LRRC4C: variants seen among roughly 807,000 people sequenced by gnomAD.
LRRC4C encodes leucine-rich repeat-containing protein 4C.
In LRRC4C, 5 loss-of-function variants were observed where a neutral mutation model predicts 33.6. The ratio of observed to expected loss-of-function variants is 0.15; its 90% CI spans 0.08 to 0.31. The LOEUF (loss-of-function observed/expected upper bound fraction) is 0.31, where lower values mean the gene tolerates loss of function less well. LRRC4C is among the 10% of genes least tolerant of loss of function. The probability of loss-of-function intolerance (pLI) is 1.00; values close to 1 mark genes in which losing one functional copy is unlikely to be tolerated. For missense variants in LRRC4C, 560 were observed against 796.7 expected (o/e 0.70, Z 3.58); for synonymous variants, 329 against 302.0 (o/e 1.09, Z -0.93).
intron 5 of LRRC4C, among the ~76,000 whole-genome samples, chr11:40,199,422 C>G (rs1016949545): frequency 6.6e-6 from 1 of 152,184 alleles, no homozygotes; most frequent in African/African-American, 2.4e-5. Context: ...GTCCCAATTA[C>G]ATAAGGCCTT....
At chr11:40,198,939 T>A (rs984225668) in intron 5 of LRRC4C, among the ~76,000 whole-genome samples, 1 of 152,202 alleles carries the variant, frequency 6.6e-6, no homozygotes, top group African/African-American at 2.4e-5. Context: ...GTGGGTATAT[T>A]GGAAATAACT....
Position 41,087,220 on chromosome 11 carries a change from C to A in LRRC4C, c.-495-153497G>T, listed in dbSNP as rs1236649067. 2.0e-5 allele frequency among the ~76,000 whole-genome samples: 3 copies of A among 152,090 alleles called. No individual in the cohort carries two copies. The South Asian group carries it at 6.2e-4, about 32-fold the overall frequency. On this transcript the variant is annotated intron_variant, in intron 1 of 6. Transcript: ENST00000528697. ...TCTCGTTTTTCCATTTTTCCCCATTCCTACTGCCAATACCATAGCTGAATC... is the reference window on the plus strand; with the variant it reads ...TCTCGTTTTTCCATTTTTCCCCATTACTACTGCCAATACCATAGCTGAATC...
chr11:40,344,767 C>T (rs372651413), intron 3 of LRRC4C, among the ~76,000 whole-genome samples: 1 of 152,076 alleles, frequency 6.6e-6, no homozygotes, highest in African/African-American at 2.4e-5. Flanking sequence ...ATAGTCTGTG[C>T]CCAAAAGCTC....
At chr11:41,173,013 T>G (rs1371624311) in intron 1 of LRRC4C, among the ~76,000 whole-genome samples, 1 of 152,080 alleles carries the variant, frequency 6.6e-6, no homozygotes, top group Non-Finnish European at 1.5e-5. Flanking sequence ...AACTAGATAT[T>G]TGGAATCCAT....
chr11:40,813,148 A>G (rs1195007029), intron 2 of LRRC4C, among the ~76,000 whole-genome samples: 3 of 152,172 alleles, frequency 2.0e-5, no homozygotes, highest in African/African-American at 4.8e-5. Flanking sequence ...ACCCCAGCAA[A>G]TTTTGGAACC....
intron 5 of LRRC4C, among the ~76,000 whole-genome samples, chr11:40,188,947 T>C (rs955153588): frequency 2.0e-5 from 3 of 152,218 alleles, no homozygotes; most frequent in Non-Finnish European, 4.4e-5. Flanking sequence ...CAAACAGTCA[T>C]GGAGGCTTTC....
At chr11:40,241,807 A>G (rs1428213066) in intron 4 of LRRC4C, 1 of 152,218 alleles carries the variant, frequency 6.6e-6, no homozygotes, top group Non-Finnish European at 1.5e-5. Flanking sequence ...CTTTAGAACC[A>G]CATAGGTTGC....
At chr11:40,779,419 C>A (rs910625729) in intron 2 of LRRC4C, among the ~76,000 whole-genome samples, 1 of 152,046 alleles carries the variant, frequency 6.6e-6, no homozygotes, top group Admixed American at 6.6e-5. Flanking sequence ...ATTTCACTTG[C>A]ATAACTTACA....
chr11:40,942,936 A>T (rs1054723281), intron 1 of LRRC4C, among the ~76,000 whole-genome samples: 4 of 152,176 alleles, frequency 2.6e-5, no homozygotes, highest in African/African-American at 9.7e-5. Flanking sequence ...GCAATTACTC[A>T]ACTACTTATT....
intron 1 of LRRC4C, among the ~76,000 whole-genome samples, chr11:41,000,397 T>C (rs1470162043): frequency 1.3e-5 from 2 of 152,168 alleles, no homozygotes; most frequent in Non-Finnish European, 2.9e-5. Flanking sequence ...CCTATTAGAA[T>C]AGAGGTCACA....
intron 2 of LRRC4C, among the ~76,000 whole-genome samples, chr11:40,767,897 A>G (rs1259274292): frequency 6.6e-6 from 1 of 152,076 alleles, no homozygotes; most frequent in African/African-American, 2.4e-5. Flanking sequence ...CAACTTAATA[A>G]TGCTTTTTAA....
chr11:40,753,660 T>G (rs572024467), intron 2 of LRRC4C, among the ~76,000 whole-genome samples: 2 of 151,632 alleles, frequency 1.3e-5, no homozygotes, highest in African/African-American at 4.8e-5. Context: ...CCTAGAATAC[T>G]ACATAATTTT....
At chr11:40,963,267 G>A (rs758196527) in intron 1 of LRRC4C, among the ~76,000 whole-genome samples, 9 of 151,638 alleles carry the variant, frequency 5.9e-5, no homozygotes, top group East Asian at 3.9e-4. Flanking sequence ...CTATTACAGC[G>A]AACATTAGTT....
intron 2 of LRRC4C, among the ~76,000 whole-genome samples, chr11:40,845,106 T>G (rs776749881): frequency 1.3e-5 from 2 of 152,140 alleles, no homozygotes; most frequent in African/African-American, 2.4e-5. Flanking sequence ...CAATTTTAAT[T>G]TGTTAATTTT....
chr11:41,414,762 C>T (rs1954617402), intron 1 of LRRC4C, among the ~76,000 whole-genome samples: 1 of 151,596 alleles, frequency 6.6e-6, no homozygotes, highest in Non-Finnish European at 1.5e-5. Flanking sequence ...TAGAATTAGC[C>T]AAAATAAAAG....
intron 4 of LRRC4C, among the ~76,000 whole-genome samples, chr11:40,270,517 G>A (rs1025953300): frequency 7.9e-5 from 12 of 151,978 alleles, no homozygotes; most frequent in African/African-American, 2.9e-4. Context: ...CTCAGGTTTG[G>A]AAGCATTGGG....
intron 3 of LRRC4C, among the ~76,000 whole-genome samples, chr11:40,356,092 T>C (rs1947657811): frequency 6.6e-6 from 1 of 152,126 alleles, no homozygotes; most frequent in Non-Finnish European, 1.5e-5. Flanking sequence ...ATTTCTTATA[T>C]TTTCAGGGTC....
intron 1 of LRRC4C, among the ~76,000 whole-genome samples, chr11:41,347,024 G>C (rs1951825074): frequency 6.6e-6 from 1 of 152,104 alleles, no homozygotes; most frequent in Non-Finnish European, 1.5e-5. Flanking sequence ...ATATAGCACA[G>C]GAAAACTAAA....
chr11:40,886,566 A>T (rs1021398333), intron 2 of LRRC4C, among the ~76,000 whole-genome samples: 1 of 151,830 alleles, frequency 6.6e-6, no homozygotes, highest in East Asian at 1.9e-4. Context: ...TTTTTAATTA[A>T]GGAGTTTATC....
Sources: allele counts gnomAD v4.1 joint callset (sites outside exome capture counted in the v4.1 genomes callset), GRCh38; gene constraint gnomAD v4.1.1; transcripts MANE v1.5; gene names NCBI Gene and HGNC (gene_info 2026-07-23, HGNC 2026-07-21).